DNAJC3: variants seen among roughly 807,000 people sequenced by gnomAD.
DNAJC3 encodes DnaJ heat shock protein family (Hsp40) member C3.
DNAJC3 carries 38 observed loss-of-function variants against 68.6 expected under a neutral mutation model. The ratio of observed to expected loss-of-function variants is 0.55; its 90% CI spans 0.43 to 0.73. The LOEUF is 0.73. Ranked by LOEUF, DNAJC3 falls within the 30% of genes least tolerant of loss-of-function variation. DNAJC3 has a pLI of 0.00. For synonymous variants in DNAJC3, 203 were observed against 204.0 expected (o/e 1.00, Z 0.04); for missense variants, 526 against 591.9 (o/e 0.89, Z 1.16).
At chr13:95,771,022 T>C (rs950930265) in intron 9 of DNAJC3, among the ~76,000 whole-genome samples, 7 of 152,196 alleles carry the variant, frequency 4.6e-5, no homozygotes, top group African/African-American at 1.7e-4. Context: ...GTCCTCACCA[T>C]ACAGATACTG....
Position 95,791,804 on chromosome 13 carries a change from G to A in DNAJC3, c.*774G>A, listed in dbSNP as rs184805217. 2.4e-4 allele frequency: 37 copies of A among 152,246 alleles called. No homozygotes were observed. The highest frequency in any genetic ancestry group is 8.4e-4 in the African/African-American group (35 of 41,542). 9.4% of individuals were successfully genotyped at this position (152,246 alleles called of 1,614,324 possible). A position where few individuals can be genotyped will look rare whatever the true frequency, so the allele number is the denominator to read the frequency against. The stretch of plus-strand genomic sequence containing the variant: ...GTAAAATAAGTTCAGATAAAATAGT[G>A]GTGGTATTTAAAATAATATTGCTGA... On this transcript the variant is annotated 3_prime_UTR_variant, in exon 12 of 12. Transcript: ENST00000602402.
chr13:95,790,281 C>CT (rs1883727608), intron 11 of DNAJC3, among the ~76,000 whole-genome samples: 1 of 152,324 alleles, frequency 6.6e-6, no homozygotes, highest in East Asian at 1.9e-4. Context: ...CAATATTCCT[C>CT]TTTATTGCCT....
intron 4 of DNAJC3, among the ~76,000 whole-genome samples, chr13:95,730,485 C>T (rs968890956): frequency 5.9e-5 from 9 of 152,062 alleles, no homozygotes; most frequent in African/African-American, 2.2e-4. Flanking sequence ...GATTTTTGTA[C>T]TTAGTGAGAG....
At chr13:95,677,523 G>A (rs1455472097) in intron 1 of DNAJC3, among the ~76,000 whole-genome samples, 186 bp downstream of exon 1, 1 of 152,210 alleles carries the variant, frequency 6.6e-6, no homozygotes, top group Admixed American at 6.5e-5. Context: ...AGAATCGAGG[G>A]GACTGGCGGG....
chr13:95,794,866 G>GTGTT lies in DNAJC3; in HGVS notation c.*3838_*3841dup, dbSNP rs1490083491. The GTGTT allele has an allele frequency of 6.6e-6, 1 of 152,140 alleles. No individual in the cohort carries two copies. The highest frequency in any genetic ancestry group is 6.5e-5 in the Admixed American group (1 of 15,272). The allele number at this position is 152,140 out of a possible 1,614,324, so 9.4% of individuals were successfully genotyped here. Reference sequence around the variant, plus strand: ...AAGTAACTTAATCCATCTCAATGTAGTGTTTTAATAAAAAAGGAACCTAAT... The same window carrying GTGTT: ...AAGTAACTTAATCCATCTCAATGTAGTGTTTGTTTTAATAAAAAAGGAACCTAAT... On this transcript the variant is annotated 3_prime_UTR_variant, in exon 12 of 12. Transcript: ENST00000602402.
In DNAJC3 at chr13:95,791,545, T is replaced by C. The variant is rs1233034755; in HGVS notation, c.*515T>C. 1 of 159,328 alleles carries C rather than the reference T, an allele frequency of 6.3e-6. No homozygotes were observed. The highest frequency in any genetic ancestry group is 1.4e-5 in the Non-Finnish European group (1 of 72,562). The allele number at this position is 159,328 out of a possible 1,614,324, so 9.9% of individuals were successfully genotyped here. A position where few individuals can be genotyped will look rare whatever the true frequency, so the allele number is the denominator to read the frequency against. ...TTGTGAGTAGCTGTGAAATCTTTAG[T>C]GTGCATGTGTTTGCACCTCTGTGGT... On this transcript the variant is annotated 3_prime_UTR_variant, in exon 12 of 12. Transcript: ENST00000602402.
intron 9 of DNAJC3, among the ~76,000 whole-genome samples, chr13:95,771,274 AC>A (rs1883150103): frequency 6.6e-6 from 1 of 152,180 alleles, no homozygotes; most frequent in Non-Finnish European, 1.5e-5. Flanking sequence ...AAGGTCTGAT[AC>A]CCATGCGACA....
At chr13:95,751,052 TAGTG>T (rs1305504563) in intron 4 of DNAJC3, among the ~76,000 whole-genome samples, 1 of 152,078 alleles carries the variant, frequency 6.6e-6, no homozygotes, top group African/African-American at 2.4e-5. Flanking sequence ...CTAGGCAACA[TAGTG>T]AGGCCATGTC....
intron 4 of DNAJC3, among the ~76,000 whole-genome samples, chr13:95,727,368 C>A (rs185839150): frequency 6.6e-6 from 1 of 152,268 alleles, no homozygotes; most frequent in Admixed American, 6.5e-5. Context: ...ATTAAAACTT[C>A]TCAGAAACAA....
chr13:95,712,768 G>T (rs1338697276), intron 2 of DNAJC3, among the ~76,000 whole-genome samples: 1 of 152,022 alleles, frequency 6.6e-6, no homozygotes, highest in Non-Finnish European at 1.5e-5. Context: ...GATTCTTTAG[G>T]ATTTTCCATA....
chr13:95,752,217 A>G (rs1001882640), intron 4 of DNAJC3, among the ~76,000 whole-genome samples: 1 of 152,154 alleles, frequency 6.6e-6, no homozygotes, highest in African/African-American at 2.4e-5. Flanking sequence ...TTATAGTGTT[A>G]ATTACTGAGG....
At chr13:95,748,990 A>G (rs770855888) in intron 4 of DNAJC3, among the ~76,000 whole-genome samples, 3 of 152,218 alleles carry the variant, frequency 2.0e-5, no homozygotes, top group Non-Finnish European at 2.9e-5. Flanking sequence ...TTATTGGTTC[A>G]GATTTAATAC....
chr13:95,744,266 T>C (rs1312624774), intron 4 of DNAJC3, among the ~76,000 whole-genome samples: 2 of 152,232 alleles, frequency 1.3e-5, no homozygotes, highest in East Asian at 3.8e-4. Flanking sequence ...TTCCAACTTT[T>C]GCATGGGATA....
intron 2 of DNAJC3, among the ~76,000 whole-genome samples, chr13:95,717,892 G>A (rs900211033): frequency 7.2e-5 from 11 of 152,146 alleles, no homozygotes; most frequent in East Asian, 1.9e-4. Flanking sequence ...ACGGACTAAC[G>A]CACCAGTCCA....
intron 4 of DNAJC3, among the ~76,000 whole-genome samples, chr13:95,744,422 G>A (rs904510481): frequency 6.6e-6 from 1 of 152,166 alleles, no homozygotes; most frequent in African/African-American, 2.4e-5. Flanking sequence ...AATTTTGTAT[G>A]CATGTAAGAA....
chr13:95,753,344 C>T (rs910391054), intron 4 of DNAJC3, among the ~76,000 whole-genome samples: 1 of 151,816 alleles, frequency 6.6e-6, no homozygotes, highest in Non-Finnish European at 1.5e-5. Context: ...TTTTTTTGGA[C>T]ATTCAAATTA....
intron 1 of DNAJC3, among the ~76,000 whole-genome samples, chr13:95,678,636 C>T (rs992182710): frequency 6.6e-6 from 1 of 152,210 alleles, no homozygotes; most frequent in African/African-American, 2.4e-5. Flanking sequence ...CCGCACCCCA[C>T]CATCCCTCAT....
At chr13:95,690,788 G>C (rs1880217164) in intron 1 of DNAJC3, among the ~76,000 whole-genome samples, 1 of 144,288 alleles carries the variant, frequency 6.9e-6, no homozygotes, top group African/African-American at 2.6e-5. Flanking sequence ...GCCGGGCGGG[G>C]GGCTGACCCC....
intron 4 of DNAJC3, among the ~76,000 whole-genome samples, chr13:95,729,847 AT>A (rs1881657399): frequency 6.6e-6 from 1 of 151,712 alleles, no homozygotes. Flanking sequence ...TTTAAATGGG[AT>A]TATTTGTTTT....
Sources: allele counts gnomAD v4.1 joint callset (sites outside exome capture counted in the v4.1 genomes callset), GRCh38; gene constraint gnomAD v4.1.1; transcripts MANE v1.5; gene names NCBI Gene and HGNC (gene_info 2026-07-23, HGNC 2026-07-21).